Variants in DNAJC21 observed in about 807,000 individuals in gnomAD.
DNAJC21 encodes the protein dnaJ homolog subfamily C member 21.
Under a neutral mutation model 72.4 loss-of-function variants are expected in DNAJC21, and 63 were observed. The observed-to-expected ratio is 0.87, with a 90% CI of 0.71 to 1.07. DNAJC21 has a LOEUF of 1.07. Ranked by LOEUF, DNAJC21 falls within the 50% of genes least tolerant of loss-of-function variation. DNAJC21 has a pLI of 0.00. For missense variants in DNAJC21, 634 were observed against 644.8 expected, an observed-to-expected ratio of 0.98 and a Z score of 0.18; for synonymous variants, 203 against 216.7, an observed-to-expected ratio of 0.94 and a Z score of 0.56.
Position 34,954,566 on chromosome 5 carries a change from G to A in DNAJC21, c.1448G>A (p.Ser483Asn). Residue 483 changes from serine to asparagine, a missense_variant, in exon 12 of 12, where the codon AGC becomes AAC. Coordinates refer to ENST00000648817, the MANE Select transcript of DNAJC21 (RefSeq NM_001012339.3). ...TGCCCTTCTCAGAGTGTTCTTATCA[G>A]CTGTACAACCTGCCATAGTGAATTT... ...AEPQTMSVLI[S>N]CTTCHSEFPS... The A allele has an allele frequency of 6.2e-7, 1 of 1,611,054 alleles. No homozygotes were observed. Among genetic ancestry groups the A allele is most frequent in the Non-Finnish European group, 8.5e-7 (1 of 1,178,954 alleles).
chr5:34,936,668 CTT>C (rs1489535974), intron 4 of DNAJC21, among the ~76,000 whole-genome samples: 5 of 152,234 alleles, frequency 3.3e-5, no homozygotes, highest in East Asian at 1.9e-4. Context: ...CATGACCTCT[CTT>C]TGTCTCTCTT....
At chr5:34,949,949 C>T (rs1261810105) in intron 9 of DNAJC21, among the ~76,000 whole-genome samples, 2 of 152,106 alleles carry the variant, frequency 1.3e-5, no homozygotes, top group Non-Finnish European at 2.9e-5. Context: ...TTAAGCACTT[C>T]AGAATTTTTC....
intron 11 of DNAJC21, chr5:34,954,252 G>C (rs1765468197): frequency 2.2e-6 from 1 of 464,612 alleles, no homozygotes; most frequent in Non-Finnish European, 3.7e-6. Context: ...TAAAGCCTTG[G>C]TGATAAGAAT....
intron 1 of DNAJC21, among the ~76,000 whole-genome samples, chr5:34,931,440 G>A (rs972096303): frequency 2.0e-5 from 3 of 152,130 alleles, no homozygotes; most frequent in Admixed American, 6.5e-5. Context: ...TTAGGAATTA[G>A]AAGGAAGTTC....
chr5:34,954,502 A>G (rs1227645554), intron 11 of DNAJC21, 51 bp from the exon 12 acceptor site: 1 of 1,533,452 alleles, frequency 6.5e-7, no homozygotes, highest in Non-Finnish European at 8.8e-7. Flanking sequence ...CTAAAACACT[A>G]CTTTCAAGTG....
At chr5:34,929,992 G>T in intron 1 of DNAJC21, 76 bp downstream of exon 1, 1 of 1,218,014 alleles carries the variant, frequency 8.2e-7, no homozygotes, top group Non-Finnish European at 1.1e-6. Context: ...CCCCCGGGCG[G>T]ACTCCGCGGA....
At chr5:34,936,415 C>G in intron 4 of DNAJC21, 149 bp downstream of exon 4, 1 of 916,236 alleles carries the variant, frequency 1.1e-6, no homozygotes, top group East Asian at 2.9e-5. Flanking sequence ...AACTCCTGGG[C>G]TTAAGCAATC....
At chr5:34,936,351 C>T (rs1764776981) in intron 4 of DNAJC21, 85 bp downstream of exon 4, 1 of 1,489,874 alleles carries the variant, frequency 6.7e-7, no homozygotes, top group African/African-American at 1.4e-5. Context: ...GATGGTCTCA[C>T]TCTGTCACCC....
intron 7 of DNAJC21, 84 bp from the exon 8 acceptor site, chr5:34,944,783 A>G: frequency 6.4e-7 from 1 of 1,556,168 alleles, no homozygotes; most frequent in Non-Finnish European, 8.7e-7. Context: ...AGCTAATTTT[A>G]TCTTGGTTGC....
chr5:34,931,097 G>T (rs1764574065), intron 1 of DNAJC21, among the ~76,000 whole-genome samples: 1 of 152,184 alleles, frequency 6.6e-6, no homozygotes, highest in Non-Finnish European at 1.5e-5. Context: ...AAGGTGGTGT[G>T]TATTGCAGGT....
chr5:34,954,074 A>G (rs1765462711), intron 11 of DNAJC21, 73 bp downstream of exon 11: 4 of 1,393,428 alleles, frequency 2.9e-6, no homozygotes, highest in Middle Eastern at 1.8e-4. Context: ...TAAAGATGGA[A>G]ATGTGTATTT....
At chr5:34,945,058 C>T (rs753042128) in intron 8 of DNAJC21, 33 bp downstream of exon 8, 1 of 1,602,038 alleles carries the variant, frequency 6.2e-7, no homozygotes, top group South Asian at 1.1e-5. Flanking sequence ...ACTAGAAATA[C>T]TTATCACATT....
chr5:34,951,244 T>C (rs1166207643), intron 10 of DNAJC21: 1 of 985,356 alleles, frequency 1.0e-6, no homozygotes, highest in Non-Finnish European at 1.2e-6. Flanking sequence ...AGTTGAAGCC[T>C]AGAAAGGGAA....
In DNAJC21 at chr5:34,955,970, G is replaced by A. The variant is rs1181053706; in HGVS notation, c.*1256G>A. 1 of 144,370 alleles carries A rather than the reference G, an allele frequency of 6.9e-6. No individual in the cohort carries two copies. Among genetic ancestry groups the A allele is most frequent in the Non-Finnish European group, 1.5e-5 (1 of 66,120 alleles). The allele number at this position is 144,370 out of a possible 1,614,324, so 8.9% of individuals were successfully genotyped here. A position where few individuals can be genotyped will look rare whatever the true frequency, so the allele number is the denominator to read the frequency against. On this transcript the variant is annotated 3_prime_UTR_variant, in exon 12 of 12. Transcript: ENST00000648817. ...TGGGAGGCTGAGGCAGGAGAATGGC[G>A]TGAACCCGGGAGGCGGAGCTTGCAG...
intron 9 of DNAJC21, among the ~76,000 whole-genome samples, chr5:34,947,204 TAGAA>T (rs1013193765): frequency 6.6e-5 from 10 of 151,940 alleles, no homozygotes; most frequent in Non-Finnish European, 1.5e-4. Context: ...TGAATGTAAA[TAGAA>T]AGAAATGACC....
chr5:34,947,654 ATGTT>A (rs893136550), intron 9 of DNAJC21, among the ~76,000 whole-genome samples: 4 of 103,414 alleles, frequency 3.9e-5, no homozygotes, highest in Non-Finnish European at 8.9e-5. Context: ...AGTTTTCACC[ATGTT>A]TTTTTTTTTT....
rs546932746 is a variant in DNAJC21 at position 34,937,017 on chromosome 5, C to T, written c.439-309C>T. ...CCACCCACCTCAGCCTTCCAAAGTGCTGGGATTACAGGCGTGAGCCACCAT... is the reference window on the plus strand; with the variant it reads ...CCACCCACCTCAGCCTTCCAAAGTGTTGGGATTACAGGCGTGAGCCACCAT... On this transcript the variant is annotated intron_variant, in intron 4 of 11. Coordinates refer to ENST00000648817, the MANE Select transcript of DNAJC21 (RefSeq NM_001012339.3). Among the ~76,000 whole-genome samples, 119 of 152,284 alleles carry T rather than the reference C, an allele frequency of 7.8e-4. 1 individual carries two copies. The highest frequency in any genetic ancestry group is 2.6e-3 in the African/African-American group (109 of 41,560).
At chr5:34,948,928 A>G (rs1765260463) in intron 9 of DNAJC21, among the ~76,000 whole-genome samples, 1 of 152,130 alleles carries the variant, frequency 6.6e-6, no homozygotes, top group African/African-American at 2.4e-5. Flanking sequence ...ATTAATTAGT[A>G]CAAGTGCAAA....
In DNAJC21 at chr5:34,956,598, A is replaced by T. The variant is rs1765545046; in HGVS notation, c.*1884A>T. The T allele has an allele frequency of 6.6e-6, 1 of 152,226 alleles. No homozygotes were observed. The allele number at this position is 152,226 out of a possible 1,614,324, so 9.4% of individuals were successfully genotyped here. On this transcript the variant is annotated 3_prime_UTR_variant, in exon 12 of 12. Coordinates refer to ENST00000648817, the MANE Select transcript of DNAJC21 (RefSeq NM_001012339.3). The stretch of plus-strand genomic sequence containing the variant: ...ACTAGTCACATGTTATTATACACTA[A>T]AAAATAGGAAGTCATCTTGAAAGGC...
Sources: allele counts gnomAD v4.1 joint callset (sites outside exome capture counted in the v4.1 genomes callset), GRCh38; gene constraint gnomAD v4.1.1; transcripts MANE v1.5; gene names NCBI Gene and HGNC (gene_info 2026-07-23, HGNC 2026-07-21).